MYLK: variants seen among roughly 807,000 people sequenced by gnomAD.
MYLK encodes the protein myosin light chain kinase.
In MYLK, 106 loss-of-function variants were observed where a neutral mutation model predicts 203.4. That is an observed-to-expected ratio of 0.52 (90% confidence interval 0.45 to 0.61). MYLK has a LOEUF of 0.61. Ranked by LOEUF, MYLK falls within the 20% of genes least tolerant of loss-of-function variation. The probability of loss-of-function intolerance (pLI) is 0.00; values close to 1 mark genes in which losing one functional copy is unlikely to be tolerated. For synonymous variants in MYLK, 867 were observed against 959.5 expected (o/e 0.90, Z 1.78); for missense variants, 2,072 against 2,442.3 (o/e 0.85, Z 3.20).
In MYLK at chr3:123,668,591, T is replaced by C. The variant is rs9857740; in HGVS notation, c.3653-1404A>G. Among the ~76,000 whole-genome samples, 633 of 152,208 alleles carry C rather than the reference T, an allele frequency of 4.2e-3. 5 individuals are homozygous for C. The highest frequency in any genetic ancestry group is 0.015 in the African/African-American group (623 of 41,518). ...AGATCTTGACCATGCTGGGAGTCCA[T>C]GATGACATTAATTTATCAAGACTCA... On this transcript the variant is annotated intron_variant, in intron 20 of 33. Coordinates refer to ENST00000360304, the MANE Select transcript of MYLK (RefSeq NM_053025.4).
chr3:123,686,343 G>C (rs1261980210), intron 19 of MYLK, among the ~76,000 whole-genome samples: 1 of 149,576 alleles, frequency 6.7e-6, no homozygotes, highest in Non-Finnish European at 1.5e-5. Context: ...CCACTCCTGG[G>C]CTCTGGACTC....
intron 29 of MYLK, among the ~76,000 whole-genome samples, chr3:123,635,200 T>G (rs1215457595): frequency 6.6e-6 from 1 of 152,190 alleles, no homozygotes; most frequent in East Asian, 1.9e-4. Context: ...GACAGATGAC[T>G]AGGCTCCAAA....
At chr3:123,773,094 C>A (rs780495670) in intron 4 of MYLK, among the ~76,000 whole-genome samples, 3 of 151,870 alleles carry the variant, frequency 2.0e-5, no homozygotes, top group Non-Finnish European at 4.4e-5. Context: ...TATTAGAAAT[C>A]AACATATCAA....
rs1331667835 is a variant in MYLK, at chr3:123,688,090, C to T, written c.3565+4645G>A. ...CTTCCTTCTTAGTCTTCTTCGCAGG[C>T]CCCTGTCCTGCCCCTGCCTCTCTCT... On this transcript the variant is annotated intron_variant, in intron 19 of 33. Coordinates refer to ENST00000360304, the MANE Select transcript of MYLK (RefSeq NM_053025.4). Among the ~76,000 whole-genome samples the T allele has an allele frequency of 2.6e-5, 4 of 152,158 alleles. No individual in the cohort carries two copies. The East Asian group carries it at 7.7e-4, about 29-fold the overall frequency.
intron 4 of MYLK, among the ~76,000 whole-genome samples, chr3:123,792,100 C>T (rs1262196976): frequency 5.9e-5 from 9 of 152,306 alleles, no homozygotes; most frequent in African/African-American, 1.7e-4. Context: ...AGTTCCAAAT[C>T]GAGTCACTCA....
chr3:123,883,941 C>A (rs866721953), intron 1 of MYLK, among the ~76,000 whole-genome samples: 1 of 152,132 alleles, frequency 6.6e-6, no homozygotes, highest in Non-Finnish European at 1.5e-5. Context: ...ATCAAAGGCA[C>A]CCCCTTCGGA....
chr3:123,880,779 C>T (rs1469649918), intron 1 of MYLK, among the ~76,000 whole-genome samples: 1 of 152,176 alleles, frequency 6.6e-6, no homozygotes, highest in Non-Finnish European at 1.5e-5. Context: ...CATCTGGAAA[C>T]ACAGCCTTAC....
In MYLK at chr3:123,610,654, C is replaced by T. The variant is rs562385392; in HGVS notation, c.*3451G>A. On this transcript the variant is annotated 3_prime_UTR_variant, in exon 34 of 34. Transcript: ENST00000360304. Reference sequence around the variant, plus strand: ...ACAACTGCCACCAACATTAGCCCCCCCTTTCAAATTACAGGAAGGAGTCCC... The same window carrying T: ...ACAACTGCCACCAACATTAGCCCCCTCTTTCAAATTACAGGAAGGAGTCCC... The T allele has an allele frequency of 1.3e-5, 2 of 152,170 alleles. No homozygotes were observed. The highest frequency in any genetic ancestry group is 6.5e-5 in the Admixed American group (1 of 15,284). 9.4% of individuals were successfully genotyped at this position (152,170 alleles called of 1,614,324 possible).
chr3:123,688,229 C>T (rs2060531994), intron 19 of MYLK, among the ~76,000 whole-genome samples: 1 of 152,112 alleles, frequency 6.6e-6, no homozygotes. Flanking sequence ...CAACTCTGAC[C>T]TCCCCCTCAA....
At chr3:123,620,495 AC>A (rs2057797109) in intron 31 of MYLK, 159 bp from the exon 32 acceptor site, 1 of 1,535,998 alleles carries the variant, frequency 6.5e-7, no homozygotes, top group East Asian at 2.3e-5. Context: ...AGCGAACCCA[AC>A]CTTGCTCTGC....
intron 2 of MYLK, among the ~76,000 whole-genome samples, chr3:123,867,027 C>T (rs545847841): frequency 1.3e-5 from 2 of 152,244 alleles, no homozygotes; most frequent in South Asian, 4.2e-4. Flanking sequence ...ATGGCTGCAT[C>T]ATCCCAGCTA....
intron 8 of MYLK, 162 bp downstream of exon 8, chr3:123,737,216 C>T: frequency 1.5e-6 from 1 of 681,102 alleles, no homozygotes; most frequent in East Asian, 3.0e-5. Flanking sequence ...AAGACTCTGT[C>T]TGAAGAGAAA....
intron 4 of MYLK, among the ~76,000 whole-genome samples, chr3:123,774,545 G>C (rs962752242): frequency 6.6e-6 from 1 of 152,194 alleles, no homozygotes; most frequent in Non-Finnish European, 1.5e-5. Context: ...CCCAGATTCA[G>C]GCTTGTTCCT....
At position 123,862,577 on chromosome 3, in the gene MYLK, A is replaced by T. The variant is rs571368930; in HGVS notation, c.-127+13982T>A. ...AACATGATGCTTGCTGACTTTCCCT[A>T]CCTCTACTTAATCTATTTATCTTCT... On this transcript the variant is annotated intron_variant, in intron 2 of 33. Transcript: ENST00000360304. Among the ~76,000 whole-genome samples the T allele has an allele frequency of 6.6e-5, 10 of 152,088 alleles. No homozygotes were observed. In the South Asian group the frequency reaches 2.1e-3, roughly 32 times the overall value.
chr3:123,628,280 A>G (rs2107990933), intron 30 of MYLK, among the ~76,000 whole-genome samples: 1 of 152,310 alleles, frequency 6.6e-6, no homozygotes, highest in African/African-American at 2.4e-5. Flanking sequence ...GAGACACTCC[A>G]ATATTGCTCC....
rs147667946 is a variant in MYLK, at chr3:123,698,482, C to T, written c.3448+1538G>A. On this transcript the variant is annotated intron_variant, in intron 18 of 33. Coordinates refer to ENST00000360304, the MANE Select transcript of MYLK (RefSeq NM_053025.4). The stretch of plus-strand genomic sequence containing the variant: ...GGTTTCCAATCAGTTTTACCAAGGA[C>T]TTTCCAAGTGGGAGAGCCCCACAGG... Among the ~76,000 whole-genome samples, 481 of 152,234 alleles carry T rather than the reference C, an allele frequency of 3.2e-3. 3 individuals carry two copies. The highest frequency in any genetic ancestry group is 0.011 in the African/African-American group (465 of 41,546).
At chr3:123,661,438 C>T (rs958993704) in intron 23 of MYLK, among the ~76,000 whole-genome samples, 2 of 152,176 alleles carry the variant, frequency 1.3e-5, no homozygotes, top group African/African-American at 4.8e-5. Flanking sequence ...CAAGCCTCCA[C>T]AGGTTCCTGA....
intron 23 of MYLK, among the ~76,000 whole-genome samples, chr3:123,661,287 C>A (rs1351248216): frequency 6.6e-6 from 1 of 152,138 alleles, no homozygotes; most frequent in African/African-American, 2.4e-5. Context: ...AAGCTGACCC[C>A]AAAGTTGCTT....
intron 3 of MYLK, among the ~76,000 whole-genome samples, chr3:123,799,561 G>T (rs2065118560): frequency 6.6e-6 from 1 of 152,072 alleles, no homozygotes; most frequent in South Asian, 2.1e-4. Context: ...CCTAGAGGGA[G>T]GGGCTCCCAA....
Sources: gnomAD v4.1 joint callset for allele counts (sites outside exome capture counted in the v4.1 genomes callset) on GRCh38, gnomAD v4.1.1 for gene constraint, MANE v1.5 for transcripts, NCBI Gene and HGNC (gene_info 2026-07-23, HGNC 2026-07-21) for gene names.